The following FILIP1L variants were observed in gnomAD, a reference collection of about 807,000 sequenced individuals.
The protein encoded by FILIP1L is filamin A interacting protein 1 like.
In FILIP1L, 55 loss-of-function variants were observed where a neutral mutation model predicts 96.6. The observed-to-expected ratio is 0.57, with a 90% CI of 0.46 to 0.71. The LOEUF is 0.71. Ranked by LOEUF, FILIP1L falls within the 30% of genes least tolerant of loss-of-function variation. The pLI, the probability that FILIP1L is intolerant of heterozygous loss-of-function variation, is 0.00. For synonymous variants in FILIP1L, 467 were observed against 473.9 expected (o/e 0.99, Z 0.19); for missense variants, 1,304 against 1,321.2 (o/e 0.99, Z 0.20).
intron 5 of FILIP1L, among the ~76,000 whole-genome samples, chr3:99,831,046 A>G (rs759003635): frequency 3.9e-5 from 6 of 152,194 alleles, no homozygotes; most frequent in Non-Finnish European, 5.9e-5. Flanking sequence ...GGCAGCTCCA[A>G]TGATGATTAG....
chr3:99,903,155 T>A (rs1706492155), intron 4 of FILIP1L, among the ~76,000 whole-genome samples: 1 of 152,182 alleles, frequency 6.6e-6, no homozygotes, highest in Non-Finnish European at 1.5e-5. Flanking sequence ...CATAGGGTTG[T>A]TATGAGGATT....
intron 1 of FILIP1L, among the ~76,000 whole-genome samples, chr3:100,024,602 T>C (rs933612519): frequency 1.8e-4 from 28 of 152,096 alleles, no homozygotes; most frequent in African/African-American, 6.5e-4. Flanking sequence ...TAGTAACAAA[T>C]CCAACAGGCA....
At chr3:100,088,393 GTTA>G (rs140726053) in intron 1 of FILIP1L, among the ~76,000 whole-genome samples, 2,378 of 152,224 alleles carry the variant, frequency 0.016, 28 homozygotes, top group Non-Finnish European at 0.025. Flanking sequence ...AAATGAGTAA[GTTA>G]TTATTGTCAG....
intron 1 of FILIP1L, among the ~76,000 whole-genome samples, chr3:100,087,574 T>C (rs1054314787): frequency 6.6e-6 from 1 of 152,104 alleles, no homozygotes; most frequent in Non-Finnish European, 1.5e-5. Context: ...TTTTTTTGTT[T>C]AATTGTTTTC....
intron 1 of FILIP1L, among the ~76,000 whole-genome samples, chr3:100,038,913 GAAGA>G (rs913759390): frequency 5.3e-5 from 8 of 151,958 alleles, no homozygotes; most frequent in East Asian, 1.9e-4. Context: ...GTAATAAAAA[GAAGA>G]AAGAATGAAC....
At chr3:100,103,359 A>G (rs1181457248) in intron 1 of FILIP1L, among the ~76,000 whole-genome samples, 1 of 152,230 alleles carries the variant, frequency 6.6e-6, no homozygotes, top group African/African-American at 2.4e-5. Flanking sequence ...CTCCATTCTG[A>G]AGGTTATTAT....
chr3:99,928,624 A>AT (rs1707373948), intron 3 of FILIP1L, among the ~76,000 whole-genome samples: 1 of 152,198 alleles, frequency 6.6e-6, no homozygotes, highest in South Asian at 2.1e-4. Flanking sequence ...CGATTTCAAC[A>AT]TAAGTTTGGA....
At chr3:100,088,718 A>G (rs1475830649) in intron 1 of FILIP1L, among the ~76,000 whole-genome samples, 4 of 151,838 alleles carry the variant, frequency 2.6e-5, no homozygotes, top group African/African-American at 7.3e-5. Flanking sequence ...TAATCCTGAC[A>G]TATTTTCTTG....
intron 1 of FILIP1L, among the ~76,000 whole-genome samples, chr3:100,089,603 A>G (rs2066069153): frequency 6.6e-6 from 1 of 152,198 alleles, no homozygotes; most frequent in African/African-American, 2.4e-5. Flanking sequence ...AGAACTAAGC[A>G]TTTCCCATTA....
chr3:99,872,665 A>T (rs909901054), intron 4 of FILIP1L, among the ~76,000 whole-genome samples: 1 of 152,150 alleles, frequency 6.6e-6, no homozygotes, highest in Admixed American at 6.5e-5. Flanking sequence ...AGAGCATAGA[A>T]ATGTGAGGAC....
intron 4 of FILIP1L, among the ~76,000 whole-genome samples, chr3:99,872,020 A>G (rs1944813717): frequency 6.6e-6 from 1 of 152,150 alleles, no homozygotes; most frequent in Non-Finnish European, 1.5e-5. Context: ...TATCTAAATT[A>G]ACACCTACAG....
chr3:99,948,083 A>G (rs1005764361), intron 1 of FILIP1L, among the ~76,000 whole-genome samples: 4 of 152,254 alleles, frequency 2.6e-5, no homozygotes, highest in Admixed American at 1.3e-4. Context: ...TCTGATTTAT[A>G]GAGTATGTCA....
intron 1 of FILIP1L, among the ~76,000 whole-genome samples, chr3:100,072,176 TA>T (rs2065773954): frequency 6.6e-6 from 1 of 152,248 alleles, no homozygotes; most frequent in Non-Finnish European, 1.5e-5. Flanking sequence ...ACTAAAGGTC[TA>T]CTGATCTTGG....
intron 4 of FILIP1L, among the ~76,000 whole-genome samples, chr3:99,892,706 C>A (rs1305899526): frequency 1.3e-5 from 2 of 152,138 alleles, no homozygotes; most frequent in Non-Finnish European, 2.9e-5. Context: ...CATAACTCTC[C>A]CCCAATTCCT....
At chr3:99,989,188 A>G (rs1576624198) in intron 1 of FILIP1L, among the ~76,000 whole-genome samples, 1 of 152,330 alleles carries the variant, frequency 6.6e-6, no homozygotes, top group Non-Finnish European at 1.5e-5. Flanking sequence ...GATAAATTAA[A>G]TGTAAGTTTA....
chr3:99,860,468 T>C (rs1944189649), intron 4 of FILIP1L, among the ~76,000 whole-genome samples: 1 of 152,166 alleles, frequency 6.6e-6, no homozygotes, highest in Non-Finnish European at 1.5e-5. Flanking sequence ...AATCTCACTC[T>C]TTTAAGAGCA....
rs1397650828 is a variant in FILIP1L at position 100,008,320 on chromosome 3, G to C, written c.-10-77290C>G. ...AGTGCCAAATGTTTTAATACCATAA[G>C]GACTTGCTTGATAAAGGCTATGCAA... is the stretch of plus-strand genomic sequence containing the variant. On this transcript the variant is annotated intron_variant, in intron 1 of 5. Coordinates refer to ENST00000477258, the MANE Select transcript of FILIP1L (RefSeq NM_001387850.1). Among the ~76,000 whole-genome samples, 6 of 152,216 alleles carry C rather than the reference G, an allele frequency of 3.9e-5. No individual in the cohort carries two copies. The South Asian group carries it at 1.2e-3, about 32-fold the overall frequency.
intron 4 of FILIP1L, among the ~76,000 whole-genome samples, chr3:99,877,812 T>G (rs1339015317): frequency 6.6e-6 from 1 of 152,210 alleles, no homozygotes; most frequent in Non-Finnish European, 1.5e-5. Context: ...AGTTGTATGA[T>G]GCATAAACAC....
chr3:99,971,884 CT>C (rs1293690322), intron 1 of FILIP1L, among the ~76,000 whole-genome samples: 1 of 152,146 alleles, frequency 6.6e-6, no homozygotes, highest in Admixed American at 6.5e-5. Flanking sequence ...CCTATATACT[CT>C]TTTGGTAGGA....
Sources: allele counts gnomAD v4.1 joint callset (sites outside exome capture counted in the v4.1 genomes callset), GRCh38; gene constraint gnomAD v4.1.1; transcripts MANE v1.5; gene names NCBI Gene and HGNC (gene_info 2026-07-23, HGNC 2026-07-21).